DENND5B: variants seen among roughly 807,000 people sequenced by gnomAD.
The protein encoded by DENND5B is DENN domain containing 5B, also known as DENN domain-containing protein 5B.
A neutral mutation model predicts 140.6 loss-of-function variants in DENND5B; 34 were observed. The ratio of observed to expected loss-of-function variants is 0.24; its 90% CI spans 0.18 to 0.32. The LOEUF (loss-of-function observed/expected upper bound fraction) is 0.32. Ranked by LOEUF, DENND5B falls within the 10% of genes least tolerant of loss-of-function variation. The probability of loss-of-function intolerance (pLI) is 1.00; values close to 1 mark genes in which losing one functional copy is unlikely to be tolerated. For missense variants in DENND5B, 1,142 were observed against 1,560.2 expected, an observed-to-expected ratio of 0.73 and a Z score of 4.52; for synonymous variants, 551 against 562.1, an observed-to-expected ratio of 0.98 and a Z score of 0.28.
At chr12:31,409,425 G>GAAAAA in intron 13 of DENND5B, 41 bp from the exon 14 acceptor site, 2 of 1,033,136 alleles carry the variant, frequency 1.9e-6, no homozygotes, top group East Asian at 4.6e-5. Flanking sequence ...TAGTATCAAA[G>GAAAAA]AAAAAAAAAA....
intron 11 of DENND5B, among the ~76,000 whole-genome samples, chr12:31,417,498 A>G (rs769290079): frequency 6.6e-6 from 1 of 151,940 alleles, no homozygotes; most frequent in African/African-American, 2.4e-5. Context: ...TATAATGTCC[A>G]TGAGTATTCT....
intron 1 of DENND5B, among the ~76,000 whole-genome samples, chr12:31,541,238 C>G (rs1948673738): frequency 6.6e-6 from 1 of 151,928 alleles, no homozygotes; most frequent in South Asian, 2.1e-4. Flanking sequence ...ACCTTCTGCA[C>G]AGCAAAGGAA....
intron 6 of DENND5B, among the ~76,000 whole-genome samples, chr12:31,445,985 G>T (rs1160710386): frequency 2.0e-5 from 3 of 150,730 alleles, no homozygotes; most frequent in Non-Finnish European, 4.4e-5. Context: ...CTCCAGCCTA[G>T]GCAACAAGTG....
rs1947517812 is a variant in DENND5B at position 31,513,850 on chromosome 12, T to TTG, written c.128-17932_128-17931insCA. ...TCCCTCAGATAACATTTTTTTTTTT[T>TTG]TTTAAGAGACAGGGTCTCACTCTGT... On this transcript the variant is annotated intron_variant, in intron 1 of 20. Coordinates refer to ENST00000389082, the MANE Select transcript of DENND5B (RefSeq NM_144973.4). 2.6e-5 allele frequency among the ~76,000 whole-genome samples: 4 copies of TTG among 151,790 alleles called. No homozygotes were observed. The South Asian group carries it at 6.3e-4, about 24-fold the overall frequency.
At position 31,512,708 on chromosome 12, in the gene DENND5B, TTC is replaced by T. The variant is rs1947477193; in HGVS notation, c.128-16791_128-16790del. Among the ~76,000 whole-genome samples, 6 of 152,318 alleles carry T rather than the reference TTC, an allele frequency of 3.9e-5. No homozygotes were observed. In the South Asian group the frequency reaches 1.2e-3, roughly 32 times the overall value. ...TTGAATCCTAGATTTCATGGTTATCTTCTTTCTTCAGCTTTGCATTGGTCAAA... is the reference window on the plus strand; with the variant it reads ...TTGAATCCTAGATTTCATGGTTATCTTTTCTTCAGCTTTGCATTGGTCAAA... On this transcript the variant is annotated intron_variant, in intron 1 of 20. Transcript: ENST00000389082.
chr12:31,394,679 T>A (rs1237718617), intron 17 of DENND5B, among the ~76,000 whole-genome samples: 1 of 150,894 alleles, frequency 6.6e-6, no homozygotes, highest in Non-Finnish European at 1.5e-5. Flanking sequence ...AGTGGAGCGA[T>A]CTCAGGTCAC....
Position 31,413,551 on chromosome 12 carries a change from T to C in DENND5B, c.2566A>G (p.Met856Val), listed in dbSNP as rs1275258672. 1.2e-6 allele frequency: 2 copies of C among 1,612,778 alleles called. No individual in the cohort carries two copies. Among genetic ancestry groups the C allele is most frequent in the Non-Finnish European group, 1.7e-6 (2 of 1,179,334 alleles). Reference protein sequence around the residue: ...LIQDMRHIQNMSEIKTDVGRA... With the variant: ...LIQDMRHIQNVSEIKTDVGRA... ...CCAACATCAGTCTTGATCTCACTCA[T>C]GTTTTGAATATGCCTAAAGAATAGT... Residue 856 changes from methionine to valine, a missense_variant, in exon 13 of 21, where the codon ATG becomes GTG. By Grantham distance (21) the Met-to-Val change is conservative. Coordinates refer to ENST00000389082, the MANE Select transcript of DENND5B (RefSeq NM_144973.4).
chr12:31,471,557 T>C (rs372270359), intron 3 of DENND5B, among the ~76,000 whole-genome samples: 2 of 137,424 alleles, frequency 1.5e-5, no homozygotes, highest in Non-Finnish European at 3.0e-5. Context: ...ACAAGGGAGG[T>C]AGAGATGGAG....
At chr12:31,573,771 G>A (rs1677155) in intron 1 of DENND5B, among the ~76,000 whole-genome samples, 11,867 of 152,230 alleles carry the variant, frequency 0.078, 1,059 homozygotes, top group African/African-American at 0.22. Flanking sequence ...GTGGCAGAGA[G>A]GGTGATAGAG....
In DENND5B at chr12:31,387,602, G is replaced by T; in HGVS notation, c.*1C>A. ...GGACTGAGAGTTTCTAGCCAGTTGG[G>T]TTACACATCCACTCCTTTGATGAGT... On this transcript the variant is annotated 3_prime_UTR_variant, in exon 21 of 21. Coordinates refer to ENST00000389082, the MANE Select transcript of DENND5B (RefSeq NM_144973.4). 1 of 1,612,376 alleles carries T rather than the reference G, an allele frequency of 6.2e-7. No homozygotes were observed. The highest frequency in any genetic ancestry group is 1.7e-5 in the Admixed American group (1 of 59,934).
chr12:31,437,399 G>C (rs1455208478), intron 7 of DENND5B, among the ~76,000 whole-genome samples: 1 of 152,166 alleles, frequency 6.6e-6, no homozygotes, highest in Non-Finnish European at 1.5e-5. Context: ...CTCCCAAAGT[G>C]CTGGGATTAC....
At chr12:31,511,443 T>C (rs953255457) in intron 1 of DENND5B, among the ~76,000 whole-genome samples, 10 of 152,156 alleles carry the variant, frequency 6.6e-5, no homozygotes, top group Admixed American at 6.5e-4. Flanking sequence ...TATTAATTGA[T>C]GTGTTAAAAT....
At chr12:31,393,571 TA>T (rs2052004355) in intron 17 of DENND5B, among the ~76,000 whole-genome samples, 1 of 152,198 alleles carries the variant, frequency 6.6e-6, no homozygotes, top group South Asian at 2.1e-4. Flanking sequence ...AGAAAAGGTA[TA>T]TAGTTCAGAT....
intron 2 of DENND5B, among the ~76,000 whole-genome samples, chr12:31,491,966 CT>C (rs1443204961): frequency 1.3e-5 from 2 of 152,176 alleles, no homozygotes; most frequent in Admixed American, 1.3e-4. Flanking sequence ...AGCTTTATAT[CT>C]TTAGGTGGGA....
intron 1 of DENND5B, among the ~76,000 whole-genome samples, chr12:31,522,351 T>C (rs938352448): frequency 1.3e-5 from 2 of 152,250 alleles, no homozygotes; most frequent in Admixed American, 6.5e-5. Context: ...CCTAAATTCA[T>C]GTACCTCCCT....
chr12:31,517,171 C>T (rs976190007), intron 1 of DENND5B, among the ~76,000 whole-genome samples: 11 of 152,202 alleles, frequency 7.2e-5, no homozygotes, highest in Admixed American at 5.9e-4. Flanking sequence ...GAACATCAGC[C>T]TCCATTCTGC....
intron 1 of DENND5B, among the ~76,000 whole-genome samples, chr12:31,578,786 A>C (rs1950109426): frequency 6.6e-6 from 1 of 152,230 alleles, no homozygotes; most frequent in African/African-American, 2.4e-5. Context: ...AGCAGGGCGT[A>C]GGAAAAAAGG....
chr12:31,400,558 T>C (rs1008366049), intron 15 of DENND5B, among the ~76,000 whole-genome samples: 1 of 152,194 alleles, frequency 6.6e-6, no homozygotes, highest in Non-Finnish European at 1.5e-5. Context: ...TTCTTTTTTT[T>C]GGTTAATTTT....
intron 17 of DENND5B, among the ~76,000 whole-genome samples, chr12:31,395,051 T>C (rs566025332): frequency 3.3e-5 from 5 of 152,286 alleles, no homozygotes; most frequent in South Asian, 2.1e-4. Flanking sequence ...CTTTCACCAG[T>C]TGATGTATAT....
Sources: gnomAD v4.1 joint callset for allele counts (sites outside exome capture counted in the v4.1 genomes callset) on GRCh38, gnomAD v4.1.1 for gene constraint, MANE v1.5 for transcripts, NCBI Gene and HGNC (gene_info 2026-07-23, HGNC 2026-07-21) for gene names.